Variants in LRRC57 observed in about 807,000 individuals in gnomAD.
LRRC57 encodes the protein leucine rich repeat containing 57.
A neutral mutation model predicts 23.1 loss-of-function variants in LRRC57; 14 were observed. The observed-to-expected ratio is 0.61, with a 90% CI of 0.40 to 0.95. The LOEUF (loss-of-function observed/expected upper bound fraction) is 0.95, where lower values mean the gene tolerates loss of function less well. Among genes scored for constraint, LRRC57 ranks in the 40% least tolerant of loss-of-function variants. The pLI, the probability that LRRC57 is intolerant of heterozygous loss-of-function variation, is 0.00. For missense variants in LRRC57, 236 were observed against 284.4 expected (o/e 0.83, Z 1.22); for synonymous variants, 106 against 115.2 (o/e 0.92, Z 0.51).
rs972940947 is a variant in LRRC57, at chr15:42,539,626, G to T, written c.*4457C>A. 7 of 148,900 alleles carry T rather than the reference G, an allele frequency of 4.7e-5. No individual in the cohort carries two copies. Among genetic ancestry groups the T allele is most frequent in the African/African-American group, 1.5e-4 (6 of 40,522 alleles). The allele number at this position is 148,900 out of a possible 1,614,324, so 9.2% of individuals were successfully genotyped here. ...CACAGCAAGATCTGTCGCAAAAAAA[G>T]AAAAAAAAAATTAGGTGACTTGGAC... is the stretch of plus-strand genomic sequence containing the variant. On this transcript the variant is annotated 3_prime_UTR_variant, in exon 6 of 6. Transcript: ENST00000397130.
At chr15:42,544,844 A>ATATATATATATATATATATATC (rs2057650808) in intron 5 of LRRC57, among the ~76,000 whole-genome samples, 1 of 138,436 alleles carries the variant, frequency 7.2e-6, no homozygotes, top group African/African-American at 2.9e-5. Context: ...CACACACACT[A>ATATATATATATATATATATATC]TATATATATA....
intron 1 of LRRC57, 32 bp from the exon 2 acceptor site, chr15:42,548,488 A>T (rs113811622): frequency 0.024 from 37,887 of 1,579,558 alleles, 564 homozygotes; most frequent in Non-Finnish European, 0.028. Flanking sequence ...GTCACCGCCC[A>T]GTCCACCCGG....
chr15:42,548,178 C>G lies in LRRC57; in HGVS notation c.151G>C (p.Glu51Gln). Residue 51 changes from glutamate (E) to glutamine (Q), a missense_variant, in exon 3 of 6, where the codon GAA (glutamate) becomes CAA (glutamine). Coordinates refer to ENST00000397130, the MANE Select transcript of LRRC57 (RefSeq NM_153260.3). ...CCTATCAGCAAAGGCGGTAGGCTTT[C>G]GATCTTGTTGTTGGACAAGTCGATG... is the stretch of plus-strand genomic sequence containing the variant. Reference protein sequence around the residue: ...RTIDLSNNKIESLPPLLIGKF... With the variant: ...RTIDLSNNKIQSLPPLLIGKF... 6.2e-7 allele frequency: 1 copy of G among 1,614,236 alleles called. No homozygotes were observed. The highest frequency in any genetic ancestry group is 8.5e-7 in the Non-Finnish European group (1 of 1,180,042).
In LRRC57 at chr15:42,542,752, G is replaced by C. The variant is rs1425020347; in HGVS notation, c.*1331C>G. On this transcript the variant is annotated 3_prime_UTR_variant, in exon 6 of 6. Transcript: ENST00000397130. Reference sequence around the variant, plus strand: ...TTATCTTACAAGTGTTGCATATACAGTTTTGGCTCTTCAGAGCCCTCTACC... The same window carrying C: ...TTATCTTACAAGTGTTGCATATACACTTTTGGCTCTTCAGAGCCCTCTACC... 1 of 152,622 alleles carries C rather than the reference G, an allele frequency of 6.6e-6. No homozygotes were observed. Among genetic ancestry groups the C allele is most frequent in the Non-Finnish European group, 1.5e-5 (1 of 68,044 alleles). 9.5% of individuals were successfully genotyped at this position (152,622 alleles called of 1,614,324 possible). A position where few individuals can be genotyped will look rare whatever the true frequency, so the allele number is the denominator to read the frequency against.
Position 42,547,432 on chromosome 15 carries a change from G to A in LRRC57, c.321C>T (p.Leu107=), listed in dbSNP as rs749221618. 2.5e-5 allele frequency: 41 copies of A among 1,614,080 alleles called. No homozygotes were observed. The highest frequency in any genetic ancestry group is 1.6e-4 in the Middle Eastern group (1 of 6,084). ...AGAGGCTCAGGGTCTTGAGGGCAGA[G>A]AGTTGCCCAAAGGTAGACGGCAGCT... ...LRELPSTFGQ[L]SALKTLSLSG... is the part of the protein sequence containing the mutation. Residue 107 remains leucine (L), a synonymous_variant, in exon 4 of 6, where the codon CTC becomes CTT. Coordinates refer to ENST00000397130, the MANE Select transcript of LRRC57 (RefSeq NM_153260.3).
rs1281432805 is a variant in LRRC57, at chr15:42,538,025, T to C, written c.*6058A>G. ...TACGGTGACTATACTTAATGTAAGT[T>C]TCAAAATGGCTAGAAGATTTGAAAT... On this transcript the variant is annotated 3_prime_UTR_variant, in exon 6 of 6. Coordinates refer to ENST00000397130, the MANE Select transcript of LRRC57 (RefSeq NM_153260.3). 1 of 152,150 alleles carries C rather than the reference T, an allele frequency of 6.6e-6. No individual in the cohort carries two copies. The highest frequency in any genetic ancestry group is 1.5e-5 in the Non-Finnish European group (1 of 68,028). 9.4% of individuals were successfully genotyped at this position (152,150 alleles called of 1,614,324 possible). A position where few individuals can be genotyped will look rare whatever the true frequency, so the allele number is the denominator to read the frequency against.
downstream of LRRC57, among the ~76,000 whole-genome samples, chr15:42,536,697 T>C (rs2057602009): frequency 6.6e-6 from 1 of 152,244 alleles, no homozygotes; most frequent in Non-Finnish European, 1.5e-5. Context: ...AAGCCCTTTC[T>C]GATTTTCTCC....
chr15:42,544,988 G>T, intron 5 of LRRC57, 89 bp downstream of exon 5: 1 of 991,426 alleles, frequency 1.0e-6, no homozygotes, highest in Non-Finnish European at 1.5e-6. Flanking sequence ...AAATCCTGTT[G>T]ACATGAGCTA....
chr15:42,544,995 G>A, intron 5 of LRRC57, 82 bp downstream of exon 5: 4 of 1,051,766 alleles, frequency 3.8e-6, no homozygotes, highest in Non-Finnish European at 5.5e-6. Context: ...GTTGACATGA[G>A]CTATAAACAT....
chr15:42,548,435 C>T lies in LRRC57; in HGVS notation c.-1G>A, dbSNP rs780564156. 7.4e-6 allele frequency: 12 copies of T among 1,613,464 alleles called. No individual in the cohort carries two copies. The Middle Eastern group carries it at 9.9e-4, about 133-fold the overall frequency. On this transcript the variant is annotated 5_prime_UTR_variant, in exon 2 of 6. Transcript: ENST00000397130. The stretch of plus-strand genomic sequence containing the variant: ...GAGCGCGGAGCGCACTGTTTCCCAT[C>T]CTAGCGCCGCGGCTCAGGTCCCTGC...
intron 5 of LRRC57, 99 bp from the exon 6 acceptor site, chr15:42,544,223 G>A: frequency 1.1e-6 from 1 of 905,968 alleles, no homozygotes; most frequent in Non-Finnish European, 1.7e-6. Flanking sequence ...ATTGCATGTG[G>A]TTTTTCATTT....
downstream of LRRC57, among the ~76,000 whole-genome samples, chr15:42,537,213 T>A (rs906332316): frequency 1.5e-5 from 2 of 135,184 alleles, no homozygotes; most frequent in African/African-American, 7.0e-5. Flanking sequence ...ATCCCATCTC[T>A]CTGTCTCTCT....
rs1172346774 is a variant in LRRC57, at chr15:42,542,282, C to T, written c.*1801G>A. The T allele has an allele frequency of 6.6e-6, 1 of 151,800 alleles. No homozygotes were observed. The highest frequency in any genetic ancestry group is 1.5e-5 in the Non-Finnish European group (1 of 67,986). 9.4% of individuals were successfully genotyped at this position (151,800 alleles called of 1,614,324 possible). On this transcript the variant is annotated 3_prime_UTR_variant, in exon 6 of 6. Transcript: ENST00000397130. Reference sequence around the variant, plus strand: ...CAGGCTGGTCTTGAACTCCTGACCTCGTGATCCACCCACCTCAGCCTCCCA... The same window carrying T: ...CAGGCTGGTCTTGAACTCCTGACCTTGTGATCCACCCACCTCAGCCTCCCA...
the LRRC57 span, chr15:42,529,858 A>G: frequency 2.5e-6 from 4 of 1,603,180 alleles, no homozygotes; most frequent in Non-Finnish European, 3.4e-6. Flanking sequence ...TGAGACACCC[A>G]GTTCAGTGTT....
At chr15:42,534,318 A>G (rs1016532318), downstream of LRRC57, among the ~76,000 whole-genome samples, 2 of 151,960 alleles carry the variant, frequency 1.3e-5, no homozygotes, top group Non-Finnish European at 2.9e-5. Flanking sequence ...TTTAGTAGAG[A>G]CAGGGTTTCA....
intron 1 of LRRC57, 103 bp downstream of exon 1, chr15:42,548,589 CG>C: frequency 7.0e-6 from 5 of 715,992 alleles, no homozygotes; most frequent in Non-Finnish European, 1.1e-5. Flanking sequence ...AAGGAAGAAA[CG>C]GAAGAACACA....
At chr15:42,536,762 C>T (rs1408631632), downstream of LRRC57, among the ~76,000 whole-genome samples, 1 of 152,206 alleles carries the variant, frequency 6.6e-6, no homozygotes, top group Non-Finnish European at 1.5e-5. Flanking sequence ...ATGGTTAACA[C>T]AAGCTCTGGA....
rs546319902 is a variant in LRRC57, at chr15:42,543,523, A to C, written c.*560T>G. On this transcript the variant is annotated 3_prime_UTR_variant, in exon 6 of 6. Coordinates refer to ENST00000397130, the MANE Select transcript of LRRC57 (RefSeq NM_153260.3). ...GCCAAAGTGCACTTTTAATCAAGAC[A>C]AACAGTCACACATTTATGTACATCC... 5 of 152,414 alleles carry C rather than the reference A, an allele frequency of 3.3e-5. No homozygotes were observed. In the East Asian group the frequency reaches 9.6e-4, roughly 29 times the overall value. The allele number at this position is 152,414 out of a possible 1,614,324, so 9.4% of individuals were successfully genotyped here. A position where few individuals can be genotyped will look rare whatever the true frequency, so the allele number is the denominator to read the frequency against.
At chr15:42,548,576 G>T (rs1003886647) in intron 1 of LRRC57, 117 bp downstream of exon 1, 3 of 774,978 alleles carry the variant, frequency 3.9e-6, no homozygotes, top group Admixed American at 2.8e-5. Flanking sequence ...ACCCAAGAGC[G>T]ACAAGGAAGA....
Sources: gnomAD v4.1 joint callset for allele counts (sites outside exome capture counted in the v4.1 genomes callset) on GRCh38, gnomAD v4.1.1 for gene constraint, MANE v1.5 for transcripts, NCBI Gene and HGNC (gene_info 2026-07-23, HGNC 2026-07-21) for gene names.